TSGA10: variants seen among roughly 807,000 people sequenced by gnomAD.
The protein encoded by TSGA10 is testis specific 10.
TSGA10 carries 43 observed loss-of-function variants against 96.6 expected under a neutral mutation model. The observed-to-expected ratio is 0.44, with a 90% CI of 0.35 to 0.57. The LOEUF is 0.57. Ranked by LOEUF, TSGA10 falls within the 20% of genes least tolerant of loss-of-function variation. TSGA10 has a pLI of 0.01. For missense variants in TSGA10, 703 were observed against 834.4 expected (o/e 0.84, Z 1.94); for synonymous variants, 229 against 269.9 (o/e 0.85, Z 1.48).
chr2:99,042,374 G>A (rs1211074329), intron 16 of TSGA10, among the ~76,000 whole-genome samples: 1 of 152,112 alleles, frequency 6.6e-6, no homozygotes, highest in East Asian at 1.9e-4. Context: ...GGAAGAAAGC[G>A]CTGTAGACGG....
At chr2:99,047,524 G>A (rs1284091920) in intron 16 of TSGA10, among the ~76,000 whole-genome samples, 5 of 152,060 alleles carry the variant, frequency 3.3e-5, no homozygotes, top group South Asian at 2.1e-4. Flanking sequence ...AAATTCAACA[G>A]CTCTTCATGC....
intron 16 of TSGA10, among the ~76,000 whole-genome samples, chr2:99,059,745 T>G: frequency 7.0e-6 from 1 of 143,194 alleles, no homozygotes; most frequent in Non-Finnish European, 1.5e-5. Context: ...AAACCCCGTT[T>G]CTACAAAAAA....
intron 17 of TSGA10, among the ~76,000 whole-genome samples, chr2:99,023,787 A>G (rs1283587402): frequency 6.6e-6 from 1 of 152,122 alleles, no homozygotes; most frequent in Non-Finnish European, 1.5e-5. Context: ...CATTGTCTTG[A>G]TTACTTCAGT....
intron 16 of TSGA10, among the ~76,000 whole-genome samples, chr2:99,050,070 C>T (rs573972190): frequency 6.6e-5 from 10 of 151,998 alleles, no homozygotes; most frequent in Admixed American, 3.3e-4. Context: ...GCACAAAGAA[C>T]GTGGGTGGGA....
At chr2:99,053,730 C>T (rs1331551465) in intron 16 of TSGA10, among the ~76,000 whole-genome samples, 1 of 151,900 alleles carries the variant, frequency 6.6e-6, no homozygotes, top group African/African-American at 2.4e-5. Flanking sequence ...TTTTAGGATA[C>T]AAAATCAACA....
intron 2 of TSGA10, chr2:99,125,396 G>A (rs2092774326): frequency 1.3e-5 from 2 of 152,076 alleles, no homozygotes; most frequent in Non-Finnish European, 2.9e-5. Context: ...TGTCCATTTG[G>A]TTCTTCTTTA....
chr2:99,039,832 G>C (rs2082024155), intron 16 of TSGA10, among the ~76,000 whole-genome samples: 1 of 151,970 alleles, frequency 6.6e-6, no homozygotes. Context: ...GAAAACTACA[G>C]ACCAATATCC....
At chr2:99,138,644 G>A (rs1321010811) in intron 1 of TSGA10, among the ~76,000 whole-genome samples, 1 of 152,210 alleles carries the variant, frequency 6.6e-6, no homozygotes, top group Non-Finnish European at 1.5e-5. Flanking sequence ...TACAACAAAG[G>A]TGGAAGACAA....
intron 1 of TSGA10, chr2:99,147,367 C>A (rs767879856): frequency 1.7e-6 from 2 of 1,147,410 alleles, no homozygotes; most frequent in Admixed American, 1.8e-5. Context: ...TGATTTATCT[C>A]TTTATGTACC....
chr2:99,118,201 A>G (rs2092378559), intron 3 of TSGA10, among the ~76,000 whole-genome samples: 1 of 152,026 alleles, frequency 6.6e-6, no homozygotes, highest in African/African-American at 2.4e-5. Context: ...TTGTAATCCC[A>G]GCACTTTGGG....
chr2:99,023,993 T>C (rs2080293617), intron 17 of TSGA10, among the ~76,000 whole-genome samples: 1 of 152,214 alleles, frequency 6.6e-6, no homozygotes, highest in South Asian at 2.1e-4. Flanking sequence ...ATCTTAACAA[T>C]GATAAGTGTT....
intron 20 of TSGA10, among the ~76,000 whole-genome samples, chr2:99,001,601 C>G (rs995944086): frequency 6.6e-6 from 1 of 152,134 alleles, no homozygotes; most frequent in African/African-American, 2.4e-5. Flanking sequence ...CAGCTCCCCA[C>G]CAGCAACAGA....
At chr2:99,122,634 A>T (rs972518756) in intron 2 of TSGA10, among the ~76,000 whole-genome samples, 1 of 150,164 alleles carries the variant, frequency 6.7e-6, no homozygotes, top group Non-Finnish European at 1.5e-5. Context: ...AAAAAAAAAA[A>T]AAAAAAATCA....
At chr2:99,117,472 T>G (rs2092340379) in intron 4 of TSGA10, 72 bp downstream of exon 4, 1 of 715,268 alleles carries the variant, frequency 1.4e-6, no homozygotes, top group Non-Finnish European at 1.7e-6. Flanking sequence ...AATGCTACTT[T>G]TTCCATTGCA....
intron 10 of TSGA10, among the ~76,000 whole-genome samples, chr2:99,091,662 T>C (rs550197311): frequency 1.3e-5 from 2 of 152,064 alleles, no homozygotes; most frequent in East Asian, 3.9e-4. Flanking sequence ...TATTCTTATA[T>C]CAGACAAACA....
Position 99,078,679 on chromosome 2 carries a change from C to T in TSGA10, c.862G>A (p.Gly288Arg). The T allele has an allele frequency of 1.9e-6, 3 of 1,613,268 alleles. No individual in the cohort carries two copies. Among genetic ancestry groups the T allele is most frequent in the Non-Finnish European group, 1.7e-6 (2 of 1,179,766 alleles). ...DKKSENIASLGESLAMKEKTI... is the reference protein window; with the variant it reads ...DKKSENIASLRESLAMKEKTI... ...CATACTTTCATTGCCAAACTCTCTC[C>T]AAGGGATGCAATATTCTCAGATTTT... is the stretch of plus-strand genomic sequence containing the variant. Residue 288 changes from glycine to arginine, a missense_variant, in exon 12 of 21, where the codon GGA (glycine) becomes AGA (arginine). By Grantham distance (125) the Gly-to-Arg change is moderately radical. Transcript: ENST00000393483.
chr2:99,056,829 A>AC (rs1229174452), intron 16 of TSGA10, among the ~76,000 whole-genome samples: 1 of 151,558 alleles, frequency 6.6e-6, no homozygotes, highest in Non-Finnish European at 1.5e-5. Context: ...AAAAAAAAAA[A>AC]AAAAAACTAG....
intron 1 of TSGA10, among the ~76,000 whole-genome samples, chr2:99,128,726 C>A (rs529905391): frequency 2.0e-4 from 30 of 152,126 alleles, no homozygotes; most frequent in Non-Finnish European, 3.8e-4. Context: ...CCAAATTTAC[C>A]TCCTACTTGA....
chr2:99,072,980 C>A, intron 13 of TSGA10, 38 bp downstream of exon 13: 1 of 1,482,694 alleles, frequency 6.7e-7, no homozygotes, highest in Non-Finnish European at 9.4e-7. Context: ...CTTGGCCCCC[C>A]AGTAAGAGCT....
Sources: allele counts gnomAD v4.1 joint callset (sites outside exome capture counted in the v4.1 genomes callset), GRCh38; gene constraint gnomAD v4.1.1; transcripts MANE v1.5; gene names NCBI Gene and HGNC (gene_info 2026-07-23, HGNC 2026-07-21).